Variants in TMPRSS15 observed in about 807,000 individuals in gnomAD.
The protein encoded by TMPRSS15 is transmembrane serine protease 15.
TMPRSS15 carries 128 observed loss-of-function variants against 125.3 expected under a neutral mutation model. The ratio of observed to expected loss-of-function variants is 1.02; its 90% CI spans 0.89 to 1.18. The LOEUF (loss-of-function observed/expected upper bound fraction) is 1.18, where lower values mean the gene tolerates loss of function less well. TMPRSS15 is among the 50% of genes most tolerant of loss of function. The probability of loss-of-function intolerance (pLI) is 0.00; values close to 1 mark genes in which losing one functional copy is unlikely to be tolerated. For synonymous variants in TMPRSS15, 446 were observed against 423.2 expected (o/e 1.05, Z -0.66); for missense variants, 1,283 against 1,212.7 (o/e 1.06, Z -0.86).
At chr21:18,444,213 G>A (rs1177991019) in intron 1 of TMPRSS15, among the ~76,000 whole-genome samples, 1 of 152,164 alleles carries the variant, frequency 6.6e-6, no homozygotes, top group Non-Finnish European at 1.5e-5. Flanking sequence ...ATTCACAATA[G>A]CAAAGATACG....
intron 6 of TMPRSS15, among the ~76,000 whole-genome samples, chr21:18,367,856 GC>G (rs891910308): frequency 1.3e-5 from 2 of 152,042 alleles, no homozygotes; most frequent in Admixed American, 6.6e-5. Flanking sequence ...ACAATTTAAA[GC>G]AAGGCAGCCT....
intron 19 of TMPRSS15, among the ~76,000 whole-genome samples, chr21:18,296,595 G>A (rs1202402304): frequency 6.6e-6 from 1 of 152,136 alleles, no homozygotes; most frequent in Non-Finnish European, 1.5e-5. Context: ...TCTCAAGCAT[G>A]CATATAATTA....
At chr21:18,305,784 A>G (rs193068901) in intron 18 of TMPRSS15, among the ~76,000 whole-genome samples, 20 of 152,354 alleles carry the variant, frequency 1.3e-4, no homozygotes, top group African/African-American at 4.3e-4. Context: ...AATGTTAAAA[A>G]GTATCAAATT....
chr21:18,290,764 T>A (rs1046173016), intron 21 of TMPRSS15, among the ~76,000 whole-genome samples: 3 of 152,126 alleles, frequency 2.0e-5, no homozygotes, highest in Non-Finnish European at 4.4e-5. Flanking sequence ...GTAGGAAGTG[T>A]CCTGTTTTTA....
At position 18,278,961 on chromosome 21, in the gene TMPRSS15, T is replaced by G. The variant is rs1326053976; in HGVS notation, c.2764+3A>C. 1.6e-6 allele frequency: 2 copies of G among 1,219,626 alleles called. No individual in the cohort carries two copies. The highest frequency in any genetic ancestry group is 2.4e-6 in the Non-Finnish European group (2 of 849,676). The allele number at this position is 1,219,626 out of a possible 1,614,324, so 75.6% of individuals were successfully genotyped here. On this transcript the variant is annotated splice_donor_region_variant and intron_variant, in intron 23 of 24. Transcript: ENST00000284885. ...TTTTTTTTTTTTGAGTCTGATAATT[T>G]ACCTTGATATACAACCGTCCCCCAA...
rs75286851 is a variant in TMPRSS15 at position 18,277,794 on chromosome 21, G to A, written c.2764+1170C>T. Among the ~76,000 whole-genome samples the A allele has an allele frequency of 3.7e-3, 565 of 152,232 alleles. 3 individuals are homozygous for A. The highest frequency in any genetic ancestry group is 0.012 in the African/African-American group (481 of 41,542). On this transcript the variant is annotated intron_variant, in intron 23 of 24. Coordinates refer to ENST00000284885, the MANE Select transcript of TMPRSS15 (RefSeq NM_002772.3). Reference sequence around the variant, plus strand: ...ATCATGGCTATAATTTGTTGTGACTGCAGGGATCAGGTTCTCTTATCAGAC... The same window carrying A: ...ATCATGGCTATAATTTGTTGTGACTACAGGGATCAGGTTCTCTTATCAGAC...
intron 3 of TMPRSS15, among the ~76,000 whole-genome samples, chr21:18,387,530 A>G (rs1434355984): frequency 6.6e-6 from 1 of 152,032 alleles, no homozygotes; most frequent in Non-Finnish European, 1.5e-5. Context: ...AGCACTTTCC[A>G]CAAAGCAGAA....
chr21:18,472,455 T>TTATATATATA lies in TMPRSS15; in HGVS notation c.10+13334_10+13343dup, dbSNP rs34604020. 3.3e-3 allele frequency among the ~76,000 whole-genome samples: 472 copies of TTATATATATA among 143,144 alleles called. 4 individuals carry two copies. The highest frequency in any genetic ancestry group is 0.012 in the South Asian group (55 of 4,592). 93.9% of individuals were successfully genotyped at this position (143,144 alleles called of 152,430 possible). ...GGGTGCAAATTTAAAGCTAAAAGAA[T>TTATATATATA]TATATATATATATATATATATATAT... On this transcript the variant is annotated intron_variant, in intron 1 of 7. Coordinates refer to the TMPRSS15 transcript ENST00000422787.
chr21:18,321,453 C>A (rs963763588), intron 16 of TMPRSS15, among the ~76,000 whole-genome samples: 1 of 145,924 alleles, frequency 6.9e-6, no homozygotes, highest in Non-Finnish European at 1.5e-5. Flanking sequence ...CCCGGGTTCA[C>A]GCCATTCTCC....
At chr21:18,378,010 T>TTAC (rs2075860117) in intron 5 of TMPRSS15, among the ~76,000 whole-genome samples, 1 of 152,144 alleles carries the variant, frequency 6.6e-6, no homozygotes, top group Admixed American at 6.6e-5. Flanking sequence ...ATTGTACATA[T>TTAC]TACTATTAGG....
chr21:18,342,723 A>G (rs1281943287), intron 12 of TMPRSS15, among the ~76,000 whole-genome samples: 2 of 152,214 alleles, frequency 1.3e-5, no homozygotes, highest in Non-Finnish European at 2.9e-5. Flanking sequence ...AAGAAGGAAA[A>G]AGGAAGAGAA....
chr21:18,297,966 A>G (rs2074926090), intron 18 of TMPRSS15, 137 bp from the exon 19 acceptor site: 2 of 631,518 alleles, frequency 3.2e-6, no homozygotes, highest in South Asian at 1.8e-5. Flanking sequence ...ACGTTTTAAT[A>G]TAAAACTTCA....
chr21:18,328,956 T>A (rs2075318531), intron 15 of TMPRSS15, among the ~76,000 whole-genome samples: 1 of 152,202 alleles, frequency 6.6e-6, no homozygotes, highest in Non-Finnish European at 1.5e-5. Flanking sequence ...TAATTAGTCC[T>A]GCTTTGTGAA....
chr21:18,348,311 T>C (rs1369822515), intron 10 of TMPRSS15, among the ~76,000 whole-genome samples: 2 of 152,166 alleles, frequency 1.3e-5, no homozygotes, highest in Admixed American at 6.6e-5. Flanking sequence ...TATCTCTTCA[T>C]GAATTGAACC....
intron 14 of TMPRSS15, 70 bp downstream of exon 14, chr21:18,332,014 C>T (rs745859500): frequency 4.8e-5 from 64 of 1,341,156 alleles, no homozygotes; most frequent in Non-Finnish European, 6.3e-5. Flanking sequence ...ATCTACTTTG[C>T]TGCGTCAAGG....
chr21:18,440,097 G>A (rs866213886), intron 1 of TMPRSS15, among the ~76,000 whole-genome samples: 139 of 152,118 alleles, frequency 9.1e-4, no homozygotes, highest in African/African-American at 3.1e-3. Context: ...AGTGATGGCC[G>A]GGCGCGGTGG....
intron 18 of TMPRSS15, among the ~76,000 whole-genome samples, chr21:18,309,559 GA>G (rs965008701): frequency 6.6e-6 from 1 of 151,444 alleles, no homozygotes; most frequent in African/African-American, 2.4e-5. Flanking sequence ...AAATTTACAA[GA>G]AAAAAACAAA....
At chr21:18,460,851 T>C (rs1978538374) in intron 1 of TMPRSS15, 1 of 152,204 alleles carries the variant, frequency 6.6e-6, no homozygotes, top group Non-Finnish European at 1.5e-5. Context: ...TGACCACACA[T>C]CTGGGCACTG....
chr21:18,269,918 A>G lies in TMPRSS15; in HGVS notation c.*51T>C. ...GAAACACTTAATTTCCATGCTTTCTAGAGTAGAATGGGAAAATAATGCGAC... is the reference window on the plus strand; with the variant it reads ...GAAACACTTAATTTCCATGCTTTCTGGAGTAGAATGGGAAAATAATGCGAC... On this transcript the variant is annotated 3_prime_UTR_variant, in exon 25 of 25. Coordinates refer to ENST00000284885, the MANE Select transcript of TMPRSS15 (RefSeq NM_002772.3). The G allele has an allele frequency of 6.2e-7, 1 of 1,602,160 alleles. No homozygotes were observed.
Sources: gnomAD v4.1 joint callset for allele counts (sites outside exome capture counted in the v4.1 genomes callset) on GRCh38, gnomAD v4.1.1 for gene constraint, MANE v1.5 for transcripts, NCBI Gene and HGNC (gene_info 2026-07-23, HGNC 2026-07-21) for gene names.